Variants in CAMTA1 observed in about 807,000 individuals in gnomAD.
CAMTA1 encodes calmodulin-binding transcription activator 1.
Under a neutral mutation model 170.9 loss-of-function variants are expected in CAMTA1, and 27 were observed. That is an observed-to-expected ratio of 0.16 (90% CI 0.12 to 0.22). The LOEUF is 0.22. Among genes scored for constraint, CAMTA1 ranks in the 10% least tolerant of loss-of-function variants. The pLI is 1.00. For missense variants in CAMTA1, 1,619 were observed against 2,217.2 expected (o/e 0.73, Z 5.42); for synonymous variants, 833 against 891.5 (o/e 0.93, Z 1.17).
intron 5 of CAMTA1, among the ~76,000 whole-genome samples, chr1:7,270,544 C>T (rs193112683): frequency 1.3e-5 from 2 of 152,186 alleles, no homozygotes; most frequent in Non-Finnish European, 2.9e-5. Context: ...GATCCGCCTG[C>T]CTTGGCCTCC....
At chr1:7,672,209 A>G (rs947762241) in intron 10 of CAMTA1, 1 of 384,428 alleles carries the variant, frequency 2.6e-6, no homozygotes, top group Middle Eastern at 4.0e-4. Flanking sequence ...ACTGGGGGTG[A>G]GGAGGAAAGG....
intron 5 of CAMTA1, among the ~76,000 whole-genome samples, chr1:7,298,183 G>A (rs990653131): frequency 1.3e-5 from 2 of 152,318 alleles, no homozygotes; most frequent in Middle Eastern, 3.4e-3. Context: ...CCTTTGGATG[G>A]CAAGCTACAG....
At chr1:7,301,175 T>C (rs975697931) in intron 5 of CAMTA1, among the ~76,000 whole-genome samples, 1 of 152,242 alleles carries the variant, frequency 6.6e-6, no homozygotes, top group Non-Finnish European at 1.5e-5. Context: ...CACCCGGCAG[T>C]AATTCATCTG....
chr1:7,116,749 G>A (rs1261997804), intron 4 of CAMTA1, among the ~76,000 whole-genome samples: 4 of 150,504 alleles, frequency 2.7e-5, no homozygotes, highest in East Asian at 1.9e-4. Context: ...CCGGGTTCAC[G>A]CCATTCTTCT....
intron 6 of CAMTA1, among the ~76,000 whole-genome samples, chr1:7,623,437 G>C (rs1161309776): frequency 6.6e-6 from 1 of 152,176 alleles, no homozygotes; most frequent in Non-Finnish European, 1.5e-5. Flanking sequence ...GTCATTTCAG[G>C]TTAACTGAAG....
In CAMTA1 at chr1:7,014,246, C is replaced by T. The variant is rs1344484903; in HGVS notation, c.235-77058C>T. 6.6e-6 allele frequency: 1 copy of T among 152,246 alleles called. No homozygotes were observed. Among genetic ancestry groups the T allele is most frequent in the Non-Finnish European group, 1.5e-5 (1 of 68,066 alleles). 9.4% of individuals were successfully genotyped at this position (152,246 alleles called of 1,614,324 possible). On this transcript the variant is annotated intron_variant, in intron 3 of 22. Transcript: ENST00000303635. This position sits in a 1 kb window ranked among gnomAD's most constrained non-coding sequence, Gnocchi z 4.2. ...ACCCCATCCAGAGGCAGGCCGGTCTCTTACCTGCTCGATGTCTGCACATAG... is the reference window on the plus strand; with the variant it reads ...ACCCCATCCAGAGGCAGGCCGGTCTTTTACCTGCTCGATGTCTGCACATAG...
chr1:7,441,902 C>T (rs1191219864), intron 5 of CAMTA1, among the ~76,000 whole-genome samples: 5 of 152,300 alleles, frequency 3.3e-5, no homozygotes, highest in Middle Eastern at 3.4e-3. Context: ...CTGCCCAAAG[C>T]GTAGGCGCAG....
chr1:6,898,849 A>G (rs1676231000), intron 3 of CAMTA1, among the ~76,000 whole-genome samples: 1 of 152,162 alleles, frequency 6.6e-6, no homozygotes, highest in Non-Finnish European at 1.5e-5. Context: ...CCGACCTCCA[A>G]ACAGGTAGCT....
intron 5 of CAMTA1, among the ~76,000 whole-genome samples, chr1:7,324,341 C>A (rs1332569630): frequency 1.3e-5 from 2 of 151,864 alleles, no homozygotes; most frequent in Non-Finnish European, 2.9e-5. Context: ...TTAAACATTT[C>A]ATTTCCTTGT....
At chr1:6,846,023 C>G (rs1293267291) in intron 3 of CAMTA1, among the ~76,000 whole-genome samples, 3 of 152,116 alleles carry the variant, frequency 2.0e-5, no homozygotes, top group Non-Finnish European at 2.9e-5. Flanking sequence ...TTTATAAAAC[C>G]ATCAGATCTC....
intron 3 of CAMTA1, among the ~76,000 whole-genome samples, chr1:7,086,555 G>A (rs1040429680): frequency 6.6e-6 from 1 of 152,118 alleles, no homozygotes; most frequent in Admixed American, 6.5e-5. Flanking sequence ...ACACCCATCA[G>A]CCATAACTCC....
At chr1:7,070,158 C>T (rs551331936) in intron 3 of CAMTA1, among the ~76,000 whole-genome samples, 1 of 152,314 alleles carries the variant, frequency 6.6e-6, no homozygotes, top group East Asian at 1.9e-4. Flanking sequence ...CTGCACTGGC[C>T]TCTCCTTTCC....
At chr1:7,313,290 T>C (rs1184015491) in intron 5 of CAMTA1, among the ~76,000 whole-genome samples, 1 of 152,178 alleles carries the variant, frequency 6.6e-6, no homozygotes, top group Non-Finnish European at 1.5e-5. Context: ...CCTCTTTCCC[T>C]CTCCCATATC....
chr1:6,949,339 A>T (rs943624633), intron 3 of CAMTA1, among the ~76,000 whole-genome samples: 1 of 152,232 alleles, frequency 6.6e-6, no homozygotes, highest in East Asian at 1.9e-4. Flanking sequence ...TGCTGACATC[A>T]TGGGAGATCC....
At chr1:7,345,263 C>T (rs2084144729) in intron 5 of CAMTA1, among the ~76,000 whole-genome samples, 1 of 152,200 alleles carries the variant, frequency 6.6e-6, no homozygotes, top group South Asian at 2.1e-4. Context: ...TCACAGTTAG[C>T]ACTTCTTAGT....
At chr1:7,598,157 T>A (rs1275358040) in intron 6 of CAMTA1, among the ~76,000 whole-genome samples, 1 of 145,666 alleles carries the variant, frequency 6.9e-6, no homozygotes, top group African/African-American at 2.5e-5. Flanking sequence ...CATTGTTCAA[T>A]TCCCACCTAT....
At chr1:7,079,133 T>G (rs1381217505) in intron 3 of CAMTA1, among the ~76,000 whole-genome samples, 1 of 152,192 alleles carries the variant, frequency 6.6e-6, no homozygotes, top group African/African-American at 2.4e-5. Context: ...TCCTTGAATA[T>G]TTGGGACATT....
intron 6 of CAMTA1, among the ~76,000 whole-genome samples, chr1:7,498,016 G>C (rs1168344650): frequency 6.6e-6 from 1 of 152,132 alleles, no homozygotes; most frequent in Non-Finnish European, 1.5e-5. Flanking sequence ...TGGCATGTTG[G>C]GATGAGTCCA....
chr1:7,387,127 G>A (rs1259433287), intron 5 of CAMTA1, among the ~76,000 whole-genome samples: 1 of 151,934 alleles, frequency 6.6e-6, no homozygotes, highest in Non-Finnish European at 1.5e-5. Context: ...CATGGCTTCA[G>A]TCTCCCCCCT....
Sources: allele counts gnomAD v4.1 joint callset (sites outside exome capture counted in the v4.1 genomes callset), GRCh38; gene constraint gnomAD v4.1.1; non-coding constraint Gnocchi (gnomAD v3.1); transcripts MANE v1.5; gene names NCBI Gene and HGNC (gene_info 2026-07-23, HGNC 2026-07-21).